The following B3GALT1 variants were observed in gnomAD, a reference collection of about 807,000 sequenced individuals.
B3GALT1 encodes the protein beta-1,3-galactosyltransferase 1.
B3GALT1 carries 10 observed loss-of-function variants against 23.2 expected under a neutral mutation model. The observed-to-expected ratio is 0.43, with a 90% CI of 0.27 to 0.73. The LOEUF (loss-of-function observed/expected upper bound fraction) is 0.73. Ranked by LOEUF, B3GALT1 falls within the 30% of genes least tolerant of loss-of-function variation. The pLI is 0.21. For missense variants in B3GALT1, 299 were observed against 405.4 expected, an observed-to-expected ratio of 0.74 and a Z score of 2.25; for synonymous variants, 156 against 141.5, an observed-to-expected ratio of 1.10 and a Z score of -0.73.
chr2:167,393,213 GAC>G (rs1399465753), intron 1 of B3GALT1, among the ~76,000 whole-genome samples: 3 of 149,910 alleles, frequency 2.0e-5, no homozygotes, highest in African/African-American at 2.5e-5. Context: ...CAGCCTGGGC[GAC>G]AGAGCGAGAC....
intron 2 of B3GALT1, among the ~76,000 whole-genome samples, chr2:167,508,640 A>G (rs1357382373): frequency 1.3e-5 from 2 of 152,124 alleles, no homozygotes; most frequent in African/African-American, 4.8e-5. Context: ...TAGAGTTTCT[A>G]ATACTCAAAT....
At chr2:167,412,047 A>AG (rs1559088700) in intron 1 of B3GALT1, among the ~76,000 whole-genome samples, 1 of 152,162 alleles carries the variant, frequency 6.6e-6, no homozygotes, top group Non-Finnish European at 1.5e-5. Flanking sequence ...GAGGTCAGGA[A>AG]GGGTAGGGTG....
intron 3 of B3GALT1, among the ~76,000 whole-genome samples, chr2:167,648,029 C>A (rs1191757599): frequency 2.0e-5 from 3 of 152,050 alleles, no homozygotes; most frequent in African/African-American, 7.2e-5. Flanking sequence ...AATTTTTCAA[C>A]TCTAACTCAT....
chr2:167,597,769 T>A (rs1034207931), intron 2 of B3GALT1, among the ~76,000 whole-genome samples: 1 of 152,198 alleles, frequency 6.6e-6, no homozygotes, highest in South Asian at 2.1e-4. Context: ...GATATAGATG[T>A]AGATTTCTGC....
intron 2 of B3GALT1, among the ~76,000 whole-genome samples, chr2:167,523,224 T>C (rs1683137491): frequency 6.6e-6 from 1 of 152,180 alleles, no homozygotes; most frequent in African/African-American, 2.4e-5. Flanking sequence ...AACATCTTAA[T>C]CTGAAAGAAT....
intron 2 of B3GALT1, among the ~76,000 whole-genome samples, chr2:167,549,128 A>T (rs1463528582): frequency 6.6e-6 from 1 of 152,220 alleles, no homozygotes; most frequent in Non-Finnish European, 1.5e-5. Context: ...TAAACCTCTC[A>T]AAAAATATTT....
At chr2:167,814,917 G>GTT (rs1490204034) in intron 3 of B3GALT1, 2 of 152,312 alleles carry the variant, frequency 1.3e-5, no homozygotes, top group African/African-American at 4.8e-5. Flanking sequence ...CTATTTTTGT[G>GTT]TTATAAACGT....
chr2:167,701,815 A>T (rs1686885687), intron 3 of B3GALT1, among the ~76,000 whole-genome samples: 1 of 152,184 alleles, frequency 6.6e-6, no homozygotes, highest in Admixed American at 6.6e-5. Context: ...TTGAGGACAG[A>T]TGCTATTTGG....
chr2:167,796,186 T>A lies in B3GALT1; in HGVS notation c.-351-22486T>A, dbSNP rs543361037. ...TTAAATATGTGACTAACTTGTCACA[T>A]TTCTCACCTTTGTACTGGCTGCCAG... is the stretch of plus-strand genomic sequence containing the variant. On this transcript the variant is annotated intron_variant, in intron 3 of 4. Transcript: ENST00000392690. Among the ~76,000 whole-genome samples the A allele has an allele frequency of 2.6e-5, 4 of 152,358 alleles. No homozygotes were observed. The South Asian group carries it at 8.3e-4, about 32-fold the overall frequency.
chr2:167,375,806 C>T (rs1238333179), intron 1 of B3GALT1, among the ~76,000 whole-genome samples: 1 of 151,852 alleles, frequency 6.6e-6, no homozygotes, highest in Admixed American at 6.6e-5. Flanking sequence ...TTGTCTTCTT[C>T]CTATTGCAAT....
chr2:167,501,753 G>A (rs1465218764), intron 2 of B3GALT1, among the ~76,000 whole-genome samples: 2 of 148,922 alleles, frequency 1.3e-5, no homozygotes, highest in African/African-American at 5.0e-5. Flanking sequence ...AGTCAGTGAG[G>A]CTGAGCAACC....
chr2:167,809,849 T>C (rs1688841563), intron 3 of B3GALT1, among the ~76,000 whole-genome samples: 1 of 152,056 alleles, frequency 6.6e-6, no homozygotes, highest in Non-Finnish European at 1.5e-5. Flanking sequence ...AGGATTCTGC[T>C]GCCTTTTGTT....
At chr2:167,441,756 G>T (rs1266575169) in intron 1 of B3GALT1, among the ~76,000 whole-genome samples, 2 of 151,948 alleles carry the variant, frequency 1.3e-5, no homozygotes, top group South Asian at 2.1e-4. Context: ...AGCTGGGCAG[G>T]GGGGCATGCA....
At chr2:167,825,436 G>GT (rs1689196730) in intron 4 of B3GALT1, among the ~76,000 whole-genome samples, 2 of 133,898 alleles carry the variant, frequency 1.5e-5, no homozygotes, top group East Asian at 2.9e-4. Context: ...ATATATGCAG[G>GT]GGTGTGTGTG....
chr2:167,653,245 A>G (rs1466410948), intron 3 of B3GALT1, among the ~76,000 whole-genome samples: 2 of 152,216 alleles, frequency 1.3e-5, no homozygotes, highest in East Asian at 3.9e-4. Context: ...AAAGGTCTGA[A>G]GAAATTAGGA....
intron 1 of B3GALT1, among the ~76,000 whole-genome samples, chr2:167,472,941 G>A (rs1559107778): frequency 6.6e-6 from 1 of 152,058 alleles, no homozygotes; most frequent in Non-Finnish European, 1.5e-5. Flanking sequence ...AAAAGTGAAG[G>A]AATGTTAAGT....
At chr2:167,473,879 G>A (rs752125683) in intron 1 of B3GALT1, among the ~76,000 whole-genome samples, 38 of 152,124 alleles carry the variant, frequency 2.5e-4, no homozygotes, top group Non-Finnish European at 4.4e-4. Context: ...TCGTAGAGTA[G>A]CGTAGAGACA....
At chr2:167,335,461 G>T (rs1254358464) in intron 1 of B3GALT1, among the ~76,000 whole-genome samples, 3 of 152,124 alleles carry the variant, frequency 2.0e-5, no homozygotes, top group Admixed American at 1.3e-4. Flanking sequence ...TACTCCATAG[G>T]CAGAGCAGCA....
chr2:167,334,996 A>G (rs1478278303), intron 1 of B3GALT1, among the ~76,000 whole-genome samples: 1 of 152,108 alleles, frequency 6.6e-6, no homozygotes, highest in Non-Finnish European at 1.5e-5. Context: ...AAGCTGTACT[A>G]CTATTACTTA....
Sources: gnomAD v4.1 joint callset for allele counts (sites outside exome capture counted in the v4.1 genomes callset) on GRCh38, gnomAD v4.1.1 for gene constraint, MANE v1.5 for transcripts, NCBI Gene and HGNC (gene_info 2026-07-23, HGNC 2026-07-21) for gene names.